The following PTPRM variants were observed in gnomAD, a reference collection of about 807,000 sequenced individuals.
The protein encoded by PTPRM is protein tyrosine phosphatase receptor type M, also known as receptor-type tyrosine-protein phosphatase mu.
In PTPRM, 47 loss-of-function variants were observed where a neutral mutation model predicts 186.7. The ratio of observed to expected loss-of-function variants is 0.25; its 90% CI spans 0.20 to 0.32. PTPRM has a LOEUF of 0.32. Ranked by LOEUF, PTPRM falls within the 10% of genes least tolerant of loss-of-function variation. The probability of loss-of-function intolerance (pLI) is 1.00; values close to 1 mark genes in which losing one functional copy is unlikely to be tolerated. For synonymous variants in PTPRM, 668 were observed against 674.9 expected (o/e 0.99, Z 0.16); for missense variants, 1,494 against 1,865.0 (o/e 0.80, Z 3.66).
chr18:7,669,363 G>A (rs1157037206), intron 1 of PTPRM, among the ~76,000 whole-genome samples: 5 of 151,082 alleles, frequency 3.3e-5, no homozygotes, highest in Non-Finnish European at 5.9e-5. Context: ...ATGGCCACAT[G>A]TGTGTTGAAG....
chr18:7,993,736 A>G (rs995077647), intron 7 of PTPRM, among the ~76,000 whole-genome samples: 1 of 152,160 alleles, frequency 6.6e-6, no homozygotes, highest in Non-Finnish European at 1.5e-5. Flanking sequence ...AGAAAGACCT[A>G]CATCTGGAAG....
At chr18:8,348,250 G>T (rs2095515968) in intron 23 of PTPRM, among the ~76,000 whole-genome samples, 3 of 152,268 alleles carry the variant, frequency 2.0e-5, no homozygotes, top group Admixed American at 2.0e-4. Context: ...CAGAGCTGGG[G>T]ACCTGCTTCC....
chr18:7,820,569 A>G (rs1189342653), intron 2 of PTPRM, among the ~76,000 whole-genome samples: 1 of 152,130 alleles, frequency 6.6e-6, no homozygotes, highest in Non-Finnish European at 1.5e-5. Context: ...CAGACACCCT[A>G]GCAGCTTTAT....
chr18:8,346,686 A>G (rs2095507084), intron 23 of PTPRM, among the ~76,000 whole-genome samples: 1 of 152,172 alleles, frequency 6.6e-6, no homozygotes, highest in South Asian at 2.1e-4. Context: ...CGAGGACTCA[A>G]TAATACAGCT....
intron 21 of PTPRM, among the ~76,000 whole-genome samples, chr18:8,315,207 A>T (rs1202215492): frequency 2.0e-5 from 3 of 152,164 alleles, no homozygotes; most frequent in Admixed American, 1.3e-4. Context: ...AGAAAATGTT[A>T]TTTCCATTTT....
chr18:8,113,911 T>A, intron 12 of PTPRM, 152 bp downstream of exon 12: 2 of 894,582 alleles, frequency 2.2e-6, no homozygotes, highest in South Asian at 2.2e-5. Context: ...TATTTTTGTC[T>A]AGAGAAATTT....
intron 31 of PTPRM, among the ~76,000 whole-genome samples, chr18:8,392,935 AC>A (rs1346414028): frequency 6.6e-6 from 1 of 152,208 alleles, no homozygotes; most frequent in Non-Finnish European, 1.5e-5. Flanking sequence ...GGAAGAAGAG[AC>A]AGCTCTTTCT....
chr18:7,710,176 C>T (rs375551951), intron 1 of PTPRM, among the ~76,000 whole-genome samples: 4 of 152,096 alleles, frequency 2.6e-5, no homozygotes, highest in South Asian at 2.1e-4. Flanking sequence ...AATCCAACAG[C>T]GTATCAAAAA....
chr18:8,054,767 C>G (rs188382758), intron 7 of PTPRM, among the ~76,000 whole-genome samples: 1 of 143,466 alleles, frequency 7.0e-6, no homozygotes, highest in East Asian at 1.9e-4. Context: ...CTCAGACCTT[C>G]TTTCAAAACT....
chr18:8,063,258 G>C (rs1467871076), intron 7 of PTPRM, among the ~76,000 whole-genome samples: 1 of 143,266 alleles, frequency 7.0e-6, no homozygotes, highest in Admixed American at 6.7e-5. Flanking sequence ...GACTCGGAAA[G>C]GGAACTCCCT....
intron 22 of PTPRM, among the ~76,000 whole-genome samples, chr18:8,334,044 T>C (rs2095425683): frequency 6.6e-6 from 1 of 152,222 alleles, no homozygotes; most frequent in Non-Finnish European, 1.5e-5. Context: ...CAAAGGCACT[T>C]CATCTCCTAA....
At chr18:8,259,721 C>G (rs2094608829) in intron 19 of PTPRM, among the ~76,000 whole-genome samples, 1 of 151,328 alleles carries the variant, frequency 6.6e-6, no homozygotes, top group East Asian at 2.0e-4. Context: ...CATCTCAGTT[C>G]ACTGCAACCT....
intron 4 of PTPRM, among the ~76,000 whole-genome samples, chr18:7,912,851 C>A (rs2050350011): frequency 6.6e-6 from 1 of 152,094 alleles, no homozygotes; most frequent in Admixed American, 6.6e-5. Flanking sequence ...ATTTGAGAAT[C>A]AGCTTATCAA....
intron 14 of PTPRM, among the ~76,000 whole-genome samples, chr18:8,226,080 C>G (rs2094210010): frequency 6.6e-6 from 1 of 152,000 alleles, no homozygotes; most frequent in Admixed American, 6.6e-5. Context: ...TTATAAGATG[C>G]CATCTTTTCA....
intron 5 of PTPRM, among the ~76,000 whole-genome samples, chr18:7,942,251 C>G (rs1430865166): frequency 6.6e-6 from 1 of 150,804 alleles, no homozygotes; most frequent in East Asian, 1.9e-4. Flanking sequence ...CTGCTGCATT[C>G]CAGCCTGGGT....
intron 7 of PTPRM, among the ~76,000 whole-genome samples, chr18:8,013,718 C>T (rs6506544): frequency 0.24 from 36,560 of 152,018 alleles, 4,706 homozygotes; most frequent in Middle Eastern, 0.38. Context: ...GAAGGAGGAA[C>T]GCCATTAGTT....
At chr18:8,183,445 G>A (rs1193720504) in intron 14 of PTPRM, among the ~76,000 whole-genome samples, 1 of 152,202 alleles carries the variant, frequency 6.6e-6, no homozygotes, top group Non-Finnish European at 1.5e-5. Context: ...AGGAAGAGAA[G>A]CTAATGCTGT....
At chr18:8,276,630 C>A (rs1249475853) in intron 19 of PTPRM, among the ~76,000 whole-genome samples, 2 of 152,184 alleles carry the variant, frequency 1.3e-5, no homozygotes, top group Non-Finnish European at 2.9e-5. Context: ...CATGAGGAAA[C>A]TAATTCTTAG....
At position 8,371,022 on chromosome 18, in the gene PTPRM, G is replaced by A. The variant is rs747756678; in HGVS notation, c.3171+16G>A. 1.4e-6 allele frequency: 2 copies of A among 1,460,902 alleles called. No individual in the cohort carries two copies. Among genetic ancestry groups the A allele is most frequent in the Non-Finnish European group, 1.9e-6 (2 of 1,047,060 alleles). 90.5% of individuals were successfully genotyped at this position (1,460,902 alleles called of 1,614,324 possible). ...TGTTGAAAAGGTAAGTTTTCATACTGCTTTTAAAAGCTATGGTCAGACACT... is the reference window on the plus strand; with the variant it reads ...TGTTGAAAAGGTAAGTTTTCATACTACTTTTAAAAGCTATGGTCAGACACT... On this transcript the variant is annotated intron_variant, in intron 24 of 32. Transcript: ENST00000580170.
Sources: allele counts gnomAD v4.1 joint callset (sites outside exome capture counted in the v4.1 genomes callset), GRCh38; gene constraint gnomAD v4.1.1; transcripts MANE v1.5; gene names NCBI Gene and HGNC (gene_info 2026-07-23, HGNC 2026-07-21).